LINGO2: variants seen among roughly 807,000 people sequenced by gnomAD.
The protein encoded by LINGO2 is leucine-rich repeat and immunoglobulin-like domain-containing nogo receptor-interacting protein 2.
In LINGO2, 14 loss-of-function variants were observed where a neutral mutation model predicts 30.6. The ratio of observed to expected loss-of-function variants is 0.46; its 90% CI spans 0.30 to 0.72. The LOEUF (loss-of-function observed/expected upper bound fraction) is 0.72, where lower values mean the gene tolerates loss of function less well. LINGO2 is among the 30% of genes least tolerant of loss of function. LINGO2 has a pLI of 0.07. For missense variants in LINGO2, 729 were observed against 751.7 expected, an observed-to-expected ratio of 0.97 and a Z score of 0.35; for synonymous variants, 317 against 288.5, an observed-to-expected ratio of 1.10 and a Z score of -1.00.
At chr9:29,096,274 T>C in the LINGO2 span, among the ~76,000 whole-genome samples, 17 of 138,824 alleles carry the variant, frequency 1.2e-4, 2 homozygotes, top group African/African-American at 4.3e-4. Flanking sequence ...GGTGTCTACA[T>C]TCTTTCTTTA....
At chr9:28,339,815 CAA>C (rs1480075454) in intron 3 of LINGO2, among the ~76,000 whole-genome samples, 1 of 152,124 alleles carries the variant, frequency 6.6e-6, no homozygotes, top group African/African-American at 2.4e-5. Flanking sequence ...CTACAGGAGT[CAA>C]AGTTAGGAAG....
chr9:28,061,441 C>T (rs1340474809), intron 4 of LINGO2, among the ~76,000 whole-genome samples: 1 of 151,674 alleles, frequency 6.6e-6, no homozygotes, highest in East Asian at 1.9e-4. Flanking sequence ...ACAACTTTTA[C>T]CTTTTTTGTT....
At chr9:29,196,654 C>T in the LINGO2 span, among the ~76,000 whole-genome samples, 7 of 151,698 alleles carry the variant, frequency 4.6e-5, no homozygotes, top group Admixed American at 4.6e-4. Flanking sequence ...TCTAAAGAAG[C>T]CTATAGTCTA....
intron 1 of LINGO2, among the ~76,000 whole-genome samples, chr9:28,603,581 T>C (rs184908647): frequency 2.6e-5 from 4 of 152,168 alleles, no homozygotes; most frequent in Non-Finnish European, 4.4e-5. Flanking sequence ...ACAATTTATA[T>C]TGCCATATTT....
At chr9:28,849,245 G>A in the LINGO2 span, among the ~76,000 whole-genome samples, 2 of 99,760 alleles carry the variant, frequency 2.0e-5, no homozygotes, top group African/African-American at 8.0e-5. Flanking sequence ...ATAGGAAGCT[G>A]CAAACACCTA....
intron 1 of LINGO2, among the ~76,000 whole-genome samples, chr9:28,526,206 T>C (rs545098462): frequency 6.6e-5 from 10 of 152,252 alleles, no homozygotes; most frequent in Non-Finnish European, 1.5e-4. Flanking sequence ...TACACCATAT[T>C]CTGGAAGAAT....
At chr9:28,231,768 T>A (rs1453649599) in intron 4 of LINGO2, among the ~76,000 whole-genome samples, 3 of 152,082 alleles carry the variant, frequency 2.0e-5, no homozygotes, top group African/African-American at 7.2e-5. Context: ...TTATCTCCAT[T>A]TTACAGATCA....
intron 1 of LINGO2, among the ~76,000 whole-genome samples, chr9:28,504,012 A>C (rs1260738242): frequency 6.6e-6 from 1 of 151,922 alleles, no homozygotes; most frequent in Admixed American, 6.6e-5. Flanking sequence ...TATCATGTGA[A>C]GAACAGAATA....
the LINGO2 span, among the ~76,000 whole-genome samples, chr9:29,100,043 G>A: frequency 6.6e-6 from 1 of 152,112 alleles, no homozygotes; most frequent in Non-Finnish European, 1.5e-5. Context: ...ATACTATTCA[G>A]CCATAAAAAA....
the LINGO2 span, among the ~76,000 whole-genome samples, chr9:28,937,802 CTTTTA>C: frequency 6.6e-6 from 1 of 151,794 alleles, no homozygotes; most frequent in Non-Finnish European, 1.5e-5. Context: ...TTTTTTTCCA[CTTTTA>C]TTTTAAGTTC....
the LINGO2 span, among the ~76,000 whole-genome samples, chr9:28,752,446 C>T: frequency 3.9e-5 from 6 of 151,932 alleles, no homozygotes; most frequent in Non-Finnish European, 7.4e-5. Flanking sequence ...CATGATTGTC[C>T]ATGCCACAAA....
At chr9:29,105,007 T>C in the LINGO2 span, among the ~76,000 whole-genome samples, 2 of 152,200 alleles carry the variant, frequency 1.3e-5, no homozygotes, top group Non-Finnish European at 2.9e-5. Context: ...TCTTTAGTCA[T>C]AGTGTAAGGT....
chr9:28,742,753 C>A, the LINGO2 span, among the ~76,000 whole-genome samples: 2 of 151,652 alleles, frequency 1.3e-5, no homozygotes, highest in Non-Finnish European at 2.9e-5. Flanking sequence ...TTTTGATTAA[C>A]CTTTTCTGGT....
At chr9:28,457,722 T>A (rs1300549781) in intron 2 of LINGO2, among the ~76,000 whole-genome samples, 1 of 152,146 alleles carries the variant, frequency 6.6e-6, no homozygotes, top group African/African-American at 2.4e-5. Context: ...TGAGTCACTG[T>A]GCTGCATGGA....
intron 4 of LINGO2, among the ~76,000 whole-genome samples, chr9:28,277,582 T>A (rs1823160926): frequency 6.6e-6 from 1 of 152,060 alleles, no homozygotes. Context: ...GGTGGGCAGG[T>A]CACCTGAGGT....
chr9:28,020,772 T>C (rs1289795662), intron 4 of LINGO2, among the ~76,000 whole-genome samples: 1 of 152,166 alleles, frequency 6.6e-6, no homozygotes, highest in African/African-American at 2.4e-5. Flanking sequence ...TGGTAGTTTG[T>C]GTCTTTTGAG....
chr9:28,777,378 T>C, the LINGO2 span, among the ~76,000 whole-genome samples: 1 of 152,192 alleles, frequency 6.6e-6, no homozygotes, highest in African/African-American at 2.4e-5. Context: ...TATTTTAAGA[T>C]ACTCAACCAC....
chr9:28,390,901 C>A (rs1166044644), intron 2 of LINGO2, among the ~76,000 whole-genome samples: 2 of 151,996 alleles, frequency 1.3e-5, no homozygotes, highest in Non-Finnish European at 2.9e-5. Context: ...CTCTTTTATT[C>A]TTCTATCTTA....
intron 5 of LINGO2, among the ~76,000 whole-genome samples, chr9:27,972,624 C>A (rs946508331): frequency 3.9e-5 from 6 of 152,184 alleles, no homozygotes; most frequent in African/African-American, 1.4e-4. Flanking sequence ...GACCAATTTA[C>A]AGACTAAAGG....
Sources: gnomAD v4.1 joint callset for allele counts (sites outside exome capture counted in the v4.1 genomes callset) on GRCh38, gnomAD v4.1.1 for gene constraint, MANE v1.5 for transcripts, NCBI Gene and HGNC (gene_info 2026-07-23, HGNC 2026-07-21) for gene names.